Variants in SMG9 observed in about 807,000 individuals in gnomAD.
The protein encoded by SMG9 is SMG9 nonsense mediated mRNA decay factor, also known as nonsense-mediated mRNA decay factor SMG9.
A neutral mutation model predicts 64.0 loss-of-function variants in SMG9; 55 were observed. The observed-to-expected ratio is 0.86, with a 90% CI of 0.69 to 1.08. The LOEUF is 1.08. Among genes scored for constraint, SMG9 ranks in the 50% least tolerant of loss-of-function variants. The pLI, the probability that SMG9 is intolerant of heterozygous loss-of-function variation, is 0.00. For synonymous variants in SMG9, 244 were observed against 254.8 expected (o/e 0.96, Z 0.41); for missense variants, 554 against 681.3 (o/e 0.81, Z 2.08).
At chr19:43,751,978 T>C (rs910032504) in intron 1 of SMG9, among the ~76,000 whole-genome samples, 14 of 152,212 alleles carry the variant, frequency 9.2e-5, no homozygotes, top group African/African-American at 3.4e-4. Context: ...CTTACCAAAA[T>C]GCAGCAAGGC....
rs1568382956 is a variant in SMG9 at position 43,750,632 on chromosome 19, C to T, written c.110G>A (p.Arg37Gln). ...GPQNLSGPGG[R>Q]ERDYIAPWER... is the part of the protein sequence containing the mutation. ...CCATGGTGCAATGTAGTCCCTCTCC[C>T]GACCACCAGGCCCAGAGAGATTCTG... Residue 37 changes from arginine (R) to glutamine (Q), a missense_variant, in exon 2 of 14, where the codon CGG (arginine) becomes CAG (glutamine). Physicochemically the swap from Arg to Gln is conservative, Grantham distance 43. Coordinates refer to ENST00000270066, the MANE Select transcript of SMG9 (RefSeq NM_019108.4). 7.4e-6 allele frequency: 12 copies of T among 1,613,848 alleles called. No homozygotes were observed. The highest frequency in any genetic ancestry group is 3.3e-5 in the South Asian group (3 of 91,074).
At chr19:43,731,722 G>C in intron 13 of SMG9, 48 bp from the exon 14 acceptor site, 1 of 1,612,626 alleles carries the variant, frequency 6.2e-7, no homozygotes, top group East Asian at 2.2e-5. Flanking sequence ...GCTCCCCCCA[G>C]CCCAGCACCA....
rs1968463067 is a variant in SMG9 at position 43,730,943 on chromosome 19, T to C, written c.*653A>G. Reference sequence around the variant, plus strand: ...TAAGTGAGAGCAGAAGACACGAGGGTAGTTGCTGTACTCAGCTGCACCAGT... The same window carrying C: ...TAAGTGAGAGCAGAAGACACGAGGGCAGTTGCTGTACTCAGCTGCACCAGT... On this transcript the variant is annotated 3_prime_UTR_variant, in exon 14 of 14. Transcript: ENST00000270066. 1 of 172,276 alleles carries C rather than the reference T, an allele frequency of 5.8e-6. No homozygotes were observed. The highest frequency in any genetic ancestry group is 1.2e-5 in the Non-Finnish European group (1 of 86,474). 10.7% of individuals were successfully genotyped at this position (172,276 alleles called of 1,614,324 possible). A position where few individuals can be genotyped will look rare whatever the true frequency, so the allele number is the denominator to read the frequency against.
At chr19:43,745,956 G>A (rs1217962796) in intron 5 of SMG9, among the ~76,000 whole-genome samples, 3 of 152,014 alleles carry the variant, frequency 2.0e-5, no homozygotes, top group Non-Finnish European at 2.9e-5. Flanking sequence ...AGCCGAGATC[G>A]TGCCATTGCA....
At chr19:43,753,065 C>T (rs1969240148) in intron 1 of SMG9, among the ~76,000 whole-genome samples, 1 of 151,848 alleles carries the variant, frequency 6.6e-6, no homozygotes, top group Non-Finnish European at 1.5e-5. Context: ...GGTCTGTTTA[C>T]AAGATGCAGT....
intron 9 of SMG9, among the ~76,000 whole-genome samples, chr19:43,736,742 T>G (rs1968680871): frequency 6.6e-6 from 1 of 152,126 alleles, no homozygotes. Flanking sequence ...AGAAAGATCA[T>G]AAGGAAAGCT....
Position 43,731,655 on chromosome 19 carries a change from T to C in SMG9, c.1504A>G (p.Ile502Val). Residue 502 changes from isoleucine (I) to valine (V), a missense_variant, in exon 14 of 14, where the codon ATC (isoleucine) becomes GTC (valine). Ile to Val is a conservative substitution (Grantham distance 29). Transcript: ENST00000270066. ...GAGGACTTTCTCACCCCATCCCAGA[T>C]CCGGGCAGCGTAGTGGAACCTGTGA... ...EKNWFHYAAR[I>V]WDGVRKSSAL... 1 of 1,614,172 alleles carries C rather than the reference T, an allele frequency of 6.2e-7. No homozygotes were observed. The highest frequency in any genetic ancestry group is 8.5e-7 in the Non-Finnish European group (1 of 1,180,026).
chr19:43,747,002 G>A (rs111923273), intron 5 of SMG9, among the ~76,000 whole-genome samples: 3,344 of 152,126 alleles, frequency 0.022, 94 homozygotes, highest in African/African-American at 0.073. Context: ...ATTTTTGGTA[G>A]AAATGGAGTA....
At chr19:43,737,892 T>C (rs1968725392) in intron 8 of SMG9, 2 of 649,760 alleles carry the variant, frequency 3.1e-6, no homozygotes, top group African/African-American at 3.7e-5. Flanking sequence ...CACAGGCAGA[T>C]GCTGAGGCGT....
intron 7 of SMG9, 56 bp downstream of exon 7, chr19:43,740,051 G>GA (rs1968798111): frequency 8.4e-7 from 1 of 1,195,920 alleles, no homozygotes; most frequent in Non-Finnish European, 1.3e-6. Context: ...CACATTCCAG[G>GA]AAGAGGCTCA....
Sources: gnomAD v4.1 joint callset for allele counts (sites outside exome capture counted in the v4.1 genomes callset) on GRCh38, gnomAD v4.1.1 for gene constraint, MANE v1.5 for transcripts, NCBI Gene and HGNC (gene_info 2026-07-23, HGNC 2026-07-21) for gene names.